The following FOCAD variants were observed in gnomAD, a reference collection of about 807,000 sequenced individuals.
FOCAD encodes the protein KIAA1797.
In FOCAD, 198 loss-of-function variants were observed where a neutral mutation model predicts 225.6. The observed-to-expected ratio is 0.88, with a 90% CI of 0.78 to 0.99. The LOEUF (loss-of-function observed/expected upper bound fraction) is 0.99. Ranked by LOEUF, FOCAD falls within the 50% of genes least tolerant of loss-of-function variation. The pLI, the probability that FOCAD is intolerant of heterozygous loss-of-function variation, is 0.00. For synonymous variants in FOCAD, 897 were observed against 755.0 expected (o/e 1.19, Z -3.08); for missense variants, 2,713 against 2,123.6 (o/e 1.28, Z -5.46).
At chr9:20,768,141 T>A (rs916990855) in intron 7 of FOCAD, among the ~76,000 whole-genome samples, 1 of 148,992 alleles carries the variant, frequency 6.7e-6, no homozygotes, top group Non-Finnish European at 1.5e-5. Context: ...GTTGTAGATA[T>A]GCGGCGTTAT....
At chr9:20,796,341 T>A (rs993228440) in intron 11 of FOCAD, among the ~76,000 whole-genome samples, 3 of 152,318 alleles carry the variant, frequency 2.0e-5, no homozygotes, top group East Asian at 1.9e-4. Context: ...GTAATGGGAT[T>A]GCTGGGTCAA....
intron 1 of FOCAD, among the ~76,000 whole-genome samples, chr9:20,698,466 C>A (rs140342534): frequency 5.9e-5 from 9 of 152,080 alleles, no homozygotes; most frequent in Non-Finnish European, 1.3e-4. Flanking sequence ...GTGCTGCAAT[C>A]TTTGGCTCAC....
In FOCAD at chr9:20,775,140, G is replaced by A. The variant is rs149145179; in HGVS notation, c.907-3541G>A. 3.9e-3 allele frequency among the ~76,000 whole-genome samples: 600 copies of A among 152,168 alleles called. 5 individuals are homozygous for A. Among genetic ancestry groups the A allele is most frequent in the Non-Finnish European group, 6.1e-3 (416 of 68,000 alleles). On this transcript the variant is annotated intron_variant, in intron 8 of 43. Coordinates refer to ENST00000338382, the MANE Select transcript of FOCAD (RefSeq NM_001375567.1). ...GTTCTCTTTCTACTCTTATATCAGC[G>A]TTGTATCATTGTACATTGAAAATGG...
At position 20,874,755 on chromosome 9, in the gene FOCAD, TG is replaced by T; in HGVS notation, c.2267del (p.Gly756AlafsTer27). The T allele has an allele frequency of 6.2e-7, 1 of 1,613,764 alleles. No homozygotes were observed. Among genetic ancestry groups the T allele is most frequent in the Non-Finnish European group, 8.5e-7 (1 of 1,179,728 alleles). On this transcript the variant is annotated frameshift_variant, in exon 19 of 44. Transcript: ENST00000338382. LOFTEE classifies it high-confidence loss of function. ...DVEDVDLSVP[G>X]SCYLKLLSLT... ...TTGAGGATGTGGATCTTTCAGTTCC[TG>T]GCTCTTGCTATCTCAAACTGTTGTC...
chr9:20,923,728 A>G lies in FOCAD; in HGVS notation c.2921A>G (p.His974Arg), dbSNP rs1222969102. The change falls in exon 25 of 44, where the codon CAT becomes CGT. Residue 974 changes from histidine to arginine, a missense_variant. By Grantham distance (29) the His-to-Arg change is conservative (BLOSUM62 0). Coordinates refer to ENST00000338382, the MANE Select transcript of FOCAD (RefSeq NM_001375567.1). ...AGCCTTGCTGTCGTCGTATCTAGACATGAAGCCAGCCTCTCCTCAGACTCT... is the reference window on the plus strand; with the variant it reads ...AGCCTTGCTGTCGTCGTATCTAGACGTGAAGCCAGCCTCTCCTCAGACTCT... ...LSSLAVVVSR[H>R]EASLSSDSDG... 6.2e-6 allele frequency: 10 copies of G among 1,613,980 alleles called. No homozygotes were observed. Among genetic ancestry groups the G allele is most frequent in the South Asian group, 1.1e-5 (1 of 91,044 alleles).
At chr9:20,982,323 G>A (rs763594888) in intron 38 of FOCAD, 34 bp from the exon 39 acceptor site, 2 of 1,460,898 alleles carry the variant, frequency 1.4e-6, no homozygotes, top group East Asian at 4.5e-5. Context: ...ATTTTACACT[G>A]TTTGTTGACA....
At chr9:20,979,206 C>T (rs1435279667) in intron 37 of FOCAD, among the ~76,000 whole-genome samples, 2 of 152,220 alleles carry the variant, frequency 1.3e-5, no homozygotes, top group Non-Finnish European at 2.9e-5. Flanking sequence ...TAAATGCTGT[C>T]ATCTTTTAAT....
rs886914747 is a variant in FOCAD, at chr9:20,674,033, G to A, written c.-78+15207G>A. On this transcript the variant is annotated intron_variant, in intron 2 of 45. Transcript: ENST00000380249. Reference sequence around the variant, plus strand: ...TATGCTACCAGTTTGGATAAGAAGCGAGGCACTGGGTCTATCTGTAGTGGT... The same window carrying A: ...TATGCTACCAGTTTGGATAAGAAGCAAGGCACTGGGTCTATCTGTAGTGGT... Among the ~76,000 whole-genome samples the A allele has an allele frequency of 7.2e-5, 11 of 152,254 alleles. 1 individual carries two copies. In the South Asian group the frequency reaches 2.1e-3, roughly 29 times the overall value.
intron 2 of FOCAD, among the ~76,000 whole-genome samples, chr9:20,671,938 C>T (rs562866339): frequency 3.3e-5 from 5 of 151,800 alleles, no homozygotes; most frequent in Non-Finnish European, 5.9e-5. Context: ...TGAATTTGGC[C>T]GTAATAGGAA....
chr9:20,935,531 G>T (rs1289737999), intron 28 of FOCAD, among the ~76,000 whole-genome samples: 1 of 152,056 alleles, frequency 6.6e-6, no homozygotes, highest in Non-Finnish European at 1.5e-5. Context: ...CTCCCAAATT[G>T]CTGGCATTAC....
At chr9:20,770,775 G>A (rs1363312897) in intron 8 of FOCAD, among the ~76,000 whole-genome samples, 4 of 152,106 alleles carry the variant, frequency 2.6e-5, no homozygotes, top group Admixed American at 6.5e-5. Flanking sequence ...TACCATTAGC[G>A]CATATTGCTA....
chr9:20,780,723 TA>T (rs1819278784), intron 9 of FOCAD, among the ~76,000 whole-genome samples: 1 of 152,196 alleles, frequency 6.6e-6, no homozygotes, highest in African/African-American at 2.4e-5. Flanking sequence ...CTGGAATATT[TA>T]GATTTATAAT....
intron 2 of FOCAD, among the ~76,000 whole-genome samples, chr9:20,677,128 C>A (rs577075784): frequency 6.6e-6 from 1 of 152,036 alleles, no homozygotes; most frequent in Admixed American, 6.6e-5. Context: ...ACACAAGGAT[C>A]GACTCTTTAT....
At chr9:20,725,064 G>T (rs10738565) in intron 4 of FOCAD, among the ~76,000 whole-genome samples, 147,804 of 152,284 alleles carry the variant, frequency 0.97, 71,758 homozygotes, top group East Asian at 1. Flanking sequence ...TCCCAGCTAC[G>T]CAGGAGGCTG....
chr9:20,986,265 A>ACTTTTTTTTTTTTT, intron 39 of FOCAD, 23 bp from the exon 40 acceptor site: 1 of 457,022 alleles, frequency 2.2e-6, no homozygotes, highest in Non-Finnish European at 2.9e-6. Context: ...GTAACTAAAC[A>ACTTTTTTTTTTTTT]ATTTTTTTTT....
intron 4 of FOCAD, among the ~76,000 whole-genome samples, chr9:20,731,240 A>AAACAACAACAAC (rs146322610): frequency 3.1e-4 from 47 of 150,410 alleles, no homozygotes; most frequent in East Asian, 1.2e-3. Flanking sequence ...TTTGTCTCCA[A>AAACAACAACAAC]AACAACAACA....
chr9:20,671,693 A>G (rs1822068259), intron 2 of FOCAD, among the ~76,000 whole-genome samples: 1 of 152,226 alleles, frequency 6.6e-6, no homozygotes, highest in Non-Finnish European at 1.5e-5. Context: ...TGCTGGGGCA[A>G]ATGATTATGC....
intron 39 of FOCAD, among the ~76,000 whole-genome samples, 183 bp from the exon 40 acceptor site, chr9:20,986,105 T>A (rs892494818): frequency 2.0e-5 from 3 of 152,170 alleles, no homozygotes; most frequent in Non-Finnish European, 4.4e-5. Flanking sequence ...GGAGATGGCA[T>A]TACAACCCTC....
At chr9:20,890,026 C>G (rs931146877) in intron 21 of FOCAD, among the ~76,000 whole-genome samples, 1 of 151,968 alleles carries the variant, frequency 6.6e-6, no homozygotes, top group Non-Finnish European at 1.5e-5. Context: ...TTATAATCAT[C>G]CAATTGATTT....
Sources: gnomAD v4.1 joint callset for allele counts (sites outside exome capture counted in the v4.1 genomes callset) on GRCh38, gnomAD v4.1.1 for gene constraint, MANE v1.5 for transcripts, NCBI Gene and HGNC (gene_info 2026-07-23, HGNC 2026-07-21) for gene names.